Variants in RAB3C observed in about 807,000 individuals in gnomAD.
RAB3C encodes the protein RAB3C, member RAS oncogene family, also known as ras-related protein Rab-3C.
In RAB3C, 17 loss-of-function variants were observed where a neutral mutation model predicts 26.4. The observed-to-expected ratio is 0.64, with a 90% CI of 0.44 to 0.97. The LOEUF (loss-of-function observed/expected upper bound fraction) is 0.97, where lower values mean the gene tolerates loss of function less well. Among genes scored for constraint, RAB3C ranks in the 50% least tolerant of loss-of-function variants. RAB3C has a pLI of 0.00. For missense variants in RAB3C, 242 were observed against 281.9 expected (o/e 0.86, Z 1.01); for synonymous variants, 91 against 95.9 (o/e 0.95, Z 0.30).
intron 3 of RAB3C, among the ~76,000 whole-genome samples, chr5:58,792,289 G>C (rs916072691): frequency 9.2e-5 from 14 of 152,310 alleles, no homozygotes; most frequent in Non-Finnish European, 2.1e-4. Context: ...AGGAATTAAG[G>C]AAAAGGTGAA....
intron 2 of RAB3C, among the ~76,000 whole-genome samples, chr5:58,672,018 G>A (rs1278529083): frequency 6.6e-6 from 1 of 151,952 alleles, no homozygotes; most frequent in African/African-American, 2.4e-5. Context: ...TTTCAGCTTG[G>A]CATATTATAA....
At chr5:58,630,806 A>C (rs1325742505) in intron 2 of RAB3C, among the ~76,000 whole-genome samples, 1 of 152,218 alleles carries the variant, frequency 6.6e-6, no homozygotes, top group Non-Finnish European at 1.5e-5. Context: ...ACTCATATAA[A>C]TCATTAATAA....
chr5:58,655,549 G>T (rs181693722), intron 2 of RAB3C, among the ~76,000 whole-genome samples: 2 of 152,038 alleles, frequency 1.3e-5, no homozygotes, highest in Non-Finnish European at 2.9e-5. Flanking sequence ...CATTATGAAA[G>T]GTAAAGAGTA....
At chr5:58,843,293 C>T (rs1743915913) in intron 4 of RAB3C, among the ~76,000 whole-genome samples, 1 of 152,102 alleles carries the variant, frequency 6.6e-6, no homozygotes, top group African/African-American at 2.4e-5. Context: ...CATATGTATC[C>T]TCCACAGCAA....
At position 58,855,829 on chromosome 5, in the gene RAB3C, T is replaced by C. The variant is rs1744246508; in HGVS notation, c.*4478T>C. On this transcript the variant is annotated 3_prime_UTR_variant, in exon 5 of 5. Coordinates refer to ENST00000282878, the MANE Select transcript of RAB3C (RefSeq NM_138453.4). ...AGCACTGTATCTAAAGGGCTCTAGG[T>C]TGTAGAAATATAGTACCCCCTAACA... 1 of 152,210 alleles carries C rather than the reference T, an allele frequency of 6.6e-6. No homozygotes were observed. The highest frequency in any genetic ancestry group is 1.5e-5 in the Non-Finnish European group (1 of 68,030). 9.4% of individuals were successfully genotyped at this position (152,210 alleles called of 1,614,324 possible). A position where few individuals can be genotyped will look rare whatever the true frequency, so the allele number is the denominator to read the frequency against.
intron 2 of RAB3C, among the ~76,000 whole-genome samples, chr5:58,631,245 A>T (rs1348947228): frequency 2.0e-5 from 3 of 152,174 alleles, no homozygotes; most frequent in Non-Finnish European, 4.4e-5. Flanking sequence ...GAGGCAGGTG[A>T]CAAATATGAT....
chr5:58,666,746 G>GGT (rs1748009910), intron 2 of RAB3C, among the ~76,000 whole-genome samples: 1 of 152,172 alleles, frequency 6.6e-6, no homozygotes. Flanking sequence ...TCTTCCCCAG[G>GGT]AAGAAACTGC....
At chr5:58,727,602 G>C (rs994353849) in intron 3 of RAB3C, among the ~76,000 whole-genome samples, 2 of 151,970 alleles carry the variant, frequency 1.3e-5, no homozygotes, top group South Asian at 2.1e-4. Context: ...GATGATAAAA[G>C]TAGCATTCAA....
chr5:58,814,097 G>T (rs1304203192), intron 3 of RAB3C, among the ~76,000 whole-genome samples: 2 of 152,172 alleles, frequency 1.3e-5, no homozygotes, highest in Non-Finnish European at 2.9e-5. Context: ...GTTGGAGGAA[G>T]AGAAGGTATC....
intron 2 of RAB3C, among the ~76,000 whole-genome samples, chr5:58,654,525 A>G (rs1419423626): frequency 6.6e-6 from 1 of 152,168 alleles, no homozygotes; most frequent in Non-Finnish European, 1.5e-5. Context: ...TTGCTTAAAT[A>G]ATTACTTATA....
At chr5:58,630,404 TGAA>T (rs2111747392) in intron 2 of RAB3C, among the ~76,000 whole-genome samples, 1 of 152,256 alleles carries the variant, frequency 6.6e-6, no homozygotes, top group African/African-American at 2.4e-5. Flanking sequence ...TAAATTAAAA[TGAA>T]GAAAATTAAA....
At chr5:58,754,493 C>G (rs1292267694) in intron 3 of RAB3C, among the ~76,000 whole-genome samples, 1 of 152,068 alleles carries the variant, frequency 6.6e-6, no homozygotes, top group Non-Finnish European at 1.5e-5. Flanking sequence ...AATATGGATA[C>G]AGCCCAGGGC....
rs994538019 is a variant in RAB3C at position 58,610,789 on chromosome 5, C to T, written c.25-6854C>T. 4.1e-4 allele frequency among the ~76,000 whole-genome samples: 63 copies of T among 151,890 alleles called. 2 individuals are homozygous for T. Among genetic ancestry groups the T allele is most frequent in the Non-Finnish European group, 2.2e-4 (15 of 67,976 alleles). ...TAACTTTTAAGTTTAGGGGTACATG[C>T]GCAGGTTTGTATATAGGTAAATTTG... On this transcript the variant is annotated intron_variant, in intron 1 of 4. Coordinates refer to ENST00000282878, the MANE Select transcript of RAB3C (RefSeq NM_138453.4).
rs981698037 is a variant in RAB3C, at chr5:58,726,266, A to T, written c.371+146A>T. On this transcript the variant is annotated intron_variant, in intron 3 of 4. Transcript: ENST00000282878. ...CCGCTTGTGCTTCATTTAAAAAAAA[A>T]TGCTGTTTATGCACAGAAGCATTAT... is the stretch of plus-strand genomic sequence containing the variant. 9 of 480,512 alleles carry T rather than the reference A, an allele frequency of 1.9e-5. No homozygotes were observed. In the Admixed American group the frequency reaches 3.2e-4, roughly 17 times the overall value. The allele number at this position is 480,512 out of a possible 1,614,324, so 29.8% of individuals were successfully genotyped here.
intron 2 of RAB3C, among the ~76,000 whole-genome samples, chr5:58,637,875 C>A (rs1747322561): frequency 6.6e-6 from 1 of 152,054 alleles, no homozygotes; most frequent in South Asian, 2.1e-4. Context: ...TATGATATCA[C>A]CAACTGTGTT....
At chr5:58,600,751 T>C (rs977087359) in intron 1 of RAB3C, among the ~76,000 whole-genome samples, 4 of 151,982 alleles carry the variant, frequency 2.6e-5, no homozygotes, top group Admixed American at 6.6e-5. Context: ...TCTGGAGGAG[T>C]CTTTAGGGTT....
chr5:58,654,995 C>G (rs910578910), intron 2 of RAB3C, among the ~76,000 whole-genome samples: 2 of 152,130 alleles, frequency 1.3e-5, no homozygotes, highest in Non-Finnish European at 2.9e-5. Flanking sequence ...TATATACATA[C>G]TCTTTTTCTC....
intron 3 of RAB3C, among the ~76,000 whole-genome samples, chr5:58,758,802 C>T (rs540382455): frequency 5.3e-5 from 8 of 151,898 alleles, no homozygotes; most frequent in East Asian, 1.9e-4. Flanking sequence ...ATCACTTCAT[C>T]GTGATCTCTC....
chr5:58,586,771 G>A (rs1746016927), intron 1 of RAB3C, among the ~76,000 whole-genome samples: 1 of 152,106 alleles, frequency 6.6e-6, no homozygotes, highest in African/African-American at 2.4e-5. Flanking sequence ...GAGGATTGAA[G>A]AAGGACTATA....
Sources: gnomAD v4.1 joint callset for allele counts (sites outside exome capture counted in the v4.1 genomes callset) on GRCh38, gnomAD v4.1.1 for gene constraint, MANE v1.5 for transcripts, NCBI Gene and HGNC (gene_info 2026-07-23, HGNC 2026-07-21) for gene names.